NKAIN2: variants seen among roughly 807,000 people sequenced by gnomAD.
NKAIN2 encodes the protein sodium/potassium transporting ATPase interacting 2, also known as sodium/potassium-transporting ATPase subunit beta-1-interacting protein 2.
A neutral mutation model predicts 32.6 loss-of-function variants in NKAIN2; 14 were observed. The ratio of observed to expected loss-of-function variants is 0.43; its 90% CI spans 0.28 to 0.67. The LOEUF is 0.67. Ranked by LOEUF, NKAIN2 falls within the 30% of genes least tolerant of loss-of-function variation. The pLI is 0.17. For synonymous variants in NKAIN2, 80 were observed against 87.2 expected (o/e 0.92, Z 0.46); for missense variants, 198 against 258.3 (o/e 0.77, Z 1.60).
chr6:124,388,782 G>A (rs1773021968), intron 3 of NKAIN2, among the ~76,000 whole-genome samples: 1 of 151,892 alleles, frequency 6.6e-6, no homozygotes, highest in African/African-American at 2.4e-5. Flanking sequence ...TTCTTATTTT[G>A]GCTCTCATAT....
intron 1 of NKAIN2, among the ~76,000 whole-genome samples, chr6:124,204,063 C>G (rs1414369175): frequency 6.6e-6 from 1 of 151,770 alleles, no homozygotes; most frequent in Non-Finnish European, 1.5e-5. Context: ...CCAGTGCAAA[C>G]CATGTGTTTT....
At chr6:124,342,912 T>C (rs1278057385) in intron 2 of NKAIN2, among the ~76,000 whole-genome samples, 2 of 151,662 alleles carry the variant, frequency 1.3e-5, no homozygotes, top group African/African-American at 2.4e-5. Context: ...ACATGTGCCA[T>C]GTTGGTGTGC....
chr6:124,699,263 G>T (rs947770822), intron 4 of NKAIN2, among the ~76,000 whole-genome samples: 2 of 152,170 alleles, frequency 1.3e-5, no homozygotes, highest in Admixed American at 6.5e-5. Context: ...CATTGTTGAA[G>T]CTTAGCTGGA....
intron 1 of NKAIN2, among the ~76,000 whole-genome samples, chr6:123,813,478 G>T (rs1773562200): frequency 6.6e-6 from 1 of 152,130 alleles, no homozygotes; most frequent in Non-Finnish European, 1.5e-5. Context: ...TAGTTATTGG[G>T]AACTGTTATA....
intron 3 of NKAIN2, among the ~76,000 whole-genome samples, chr6:124,656,976 G>A (rs1784561450): frequency 1.3e-5 from 2 of 152,072 alleles, no homozygotes; most frequent in South Asian, 4.1e-4. Flanking sequence ...TTTCTCAACA[G>A]GCTTGCAAAA....
intron 3 of NKAIN2, among the ~76,000 whole-genome samples, chr6:124,562,744 A>G (rs1189778762): frequency 6.6e-6 from 1 of 152,162 alleles, no homozygotes; most frequent in African/African-American, 2.4e-5. Flanking sequence ...TACCTTTTGC[A>G]AGTCTCCTTA....
At chr6:123,823,438 A>G (rs1774008097) in intron 1 of NKAIN2, 2 of 152,246 alleles carry the variant, frequency 1.3e-5, no homozygotes, top group South Asian at 4.1e-4. Flanking sequence ...GGAGTAAGGA[A>G]GTGACATTAC....
intron 3 of NKAIN2, among the ~76,000 whole-genome samples, chr6:124,531,361 T>A (rs1369238811): frequency 3.3e-5 from 5 of 152,230 alleles, no homozygotes; most frequent in African/African-American, 9.6e-5. Flanking sequence ...CCTCTTGGCC[T>A]AACCCTCTTT....
At chr6:123,946,151 G>T (rs998248166) in intron 1 of NKAIN2, among the ~76,000 whole-genome samples, 6 of 152,084 alleles carry the variant, frequency 3.9e-5, no homozygotes, top group Non-Finnish European at 8.8e-5. Flanking sequence ...AGTCTGCTAG[G>T]TTAATGAGGA....
At chr6:124,250,641 G>A (rs1348965054) in intron 1 of NKAIN2, among the ~76,000 whole-genome samples, 1 of 151,920 alleles carries the variant, frequency 6.6e-6, no homozygotes, top group African/African-American at 2.4e-5. Context: ...GTCTTTTAAA[G>A]AAGTGAGAGA....
intron 1 of NKAIN2, among the ~76,000 whole-genome samples, chr6:123,808,415 A>G (rs1224355916): frequency 1.3e-5 from 2 of 152,188 alleles, no homozygotes; most frequent in African/African-American, 4.8e-5. Flanking sequence ...GTAAAATGAT[A>G]ACTTTCTTCT....
At chr6:124,517,156 A>G (rs1468580827) in intron 3 of NKAIN2, among the ~76,000 whole-genome samples, 1 of 152,148 alleles carries the variant, frequency 6.6e-6, no homozygotes, top group East Asian at 1.9e-4. Flanking sequence ...TTCAAATGAA[A>G]TTCGAACAAG....
chr6:124,798,806 C>T (rs2114825752), intron 5 of NKAIN2, among the ~76,000 whole-genome samples: 1 of 152,242 alleles, frequency 6.6e-6, no homozygotes, highest in African/African-American at 2.4e-5. Context: ...TCATGACCTT[C>T]CGACATTCAA....
At chr6:124,227,955 G>A (rs1404452342) in intron 1 of NKAIN2, among the ~76,000 whole-genome samples, 1 of 152,114 alleles carries the variant, frequency 6.6e-6, no homozygotes, top group East Asian at 1.9e-4. Context: ...TGGAAATCAG[G>A]GTGCTAGCAT....
chr6:124,773,250 A>G (rs1381829109), intron 4 of NKAIN2, among the ~76,000 whole-genome samples: 1 of 152,178 alleles, frequency 6.6e-6, no homozygotes, highest in Non-Finnish European at 1.5e-5. Flanking sequence ...AGACACACAA[A>G]GAGCAAGTGT....
chr6:124,592,854 A>G (rs1264575597), intron 3 of NKAIN2, among the ~76,000 whole-genome samples: 1 of 152,146 alleles, frequency 6.6e-6, no homozygotes. Context: ...AGTGCTGGGC[A>G]TGGAATATGA....
intron 1 of NKAIN2, among the ~76,000 whole-genome samples, chr6:124,142,417 A>G (rs1255103600): frequency 1.3e-5 from 2 of 152,240 alleles, no homozygotes; most frequent in African/African-American, 4.8e-5. Flanking sequence ...AAACCAAAGC[A>G]TTCAAGAATA....
At chr6:124,752,652 T>C (rs1194127512) in intron 4 of NKAIN2, among the ~76,000 whole-genome samples, 2 of 152,018 alleles carry the variant, frequency 1.3e-5, no homozygotes, top group Non-Finnish European at 2.9e-5. Context: ...TGGTTATTAT[T>C]TGTAACCAGG....
chr6:124,126,282 TCA>T (rs1319820056), intron 1 of NKAIN2, among the ~76,000 whole-genome samples: 12 of 152,210 alleles, frequency 7.9e-5, no homozygotes, highest in African/African-American at 2.9e-4. Context: ...CCTCTTGTCC[TCA>T]CCTTGTAGCA....
Sources: allele counts gnomAD v4.1 joint callset (sites outside exome capture counted in the v4.1 genomes callset), GRCh38; gene constraint gnomAD v4.1.1; transcripts MANE v1.5; gene names NCBI Gene and HGNC (gene_info 2026-07-23, HGNC 2026-07-21).